The following STXBP5L variants were observed in gnomAD, a reference collection of about 807,000 sequenced individuals.
STXBP5L encodes the protein syntaxin binding protein 5L.
A neutral mutation model predicts 144.5 loss-of-function variants in STXBP5L; 65 were observed. That is an observed-to-expected ratio of 0.45 (90% CI 0.37 to 0.55). STXBP5L has a LOEUF of 0.55. Among genes scored for constraint, STXBP5L ranks in the 20% least tolerant of loss-of-function variants. STXBP5L has a pLI of 0.00. For missense variants in STXBP5L, 1,298 were observed against 1,405.5 expected (o/e 0.92, Z 1.22); for synonymous variants, 505 against 469.6 (o/e 1.08, Z -0.97).
intron 2 of STXBP5L, among the ~76,000 whole-genome samples, chr3:120,914,420 T>G (rs546508641): frequency 1.3e-5 from 2 of 152,138 alleles, no homozygotes; most frequent in African/African-American, 4.8e-5. Flanking sequence ...GGAAATGGAT[T>G]TATAACAATG....
At chr3:121,333,549 A>G (rs2044398993) in intron 20 of STXBP5L, among the ~76,000 whole-genome samples, 1 of 147,186 alleles carries the variant, frequency 6.8e-6, no homozygotes, top group Non-Finnish European at 1.5e-5. Flanking sequence ...AGATTGGGAC[A>G]CACACACAAA....
At chr3:121,402,533 C>A (rs995702289) in intron 22 of STXBP5L, among the ~76,000 whole-genome samples, 1 of 152,156 alleles carries the variant, frequency 6.6e-6, no homozygotes, top group Non-Finnish European at 1.5e-5. Flanking sequence ...ATTGTCAACT[C>A]TCTTGCCTCC....
intron 3 of STXBP5L, among the ~76,000 whole-genome samples, chr3:121,001,176 G>T (rs978069619): frequency 6.6e-6 from 1 of 152,228 alleles, no homozygotes; most frequent in Non-Finnish European, 1.5e-5. Flanking sequence ...TACTGGCATA[G>T]CCATTGGGGA....
intron 9 of STXBP5L, among the ~76,000 whole-genome samples, chr3:121,178,982 G>A (rs2047038060): frequency 6.6e-6 from 1 of 151,976 alleles, no homozygotes; most frequent in South Asian, 2.1e-4. Flanking sequence ...GGGAACTGTG[G>A]CAGATACGAG....
At chr3:121,031,009 G>T (rs555674622) in intron 3 of STXBP5L, among the ~76,000 whole-genome samples, 2 of 152,178 alleles carry the variant, frequency 1.3e-5, no homozygotes, top group South Asian at 4.2e-4. Flanking sequence ...TGGATGTATT[G>T]ACACTCTTAA....
chr3:120,983,553 T>C (rs1942005885), intron 3 of STXBP5L, among the ~76,000 whole-genome samples: 1 of 152,106 alleles, frequency 6.6e-6, no homozygotes, highest in South Asian at 2.1e-4. Flanking sequence ...TGCTCAGGGC[T>C]CAAAAGCCTG....
chr3:121,212,450 C>T (rs761500550), intron 10 of STXBP5L, among the ~76,000 whole-genome samples: 3 of 151,964 alleles, frequency 2.0e-5, no homozygotes, highest in Admixed American at 6.6e-5. Context: ...AGTTTTCCCA[C>T]CACCATTTAT....
chr3:120,999,568 A>G (rs777738131), intron 3 of STXBP5L, among the ~76,000 whole-genome samples: 2 of 151,132 alleles, frequency 1.3e-5, no homozygotes, highest in African/African-American at 4.9e-5. Context: ...TAGCCCATTT[A>G]TGTTCAAGAT....
At chr3:121,235,102 A>G (rs2049433627) in intron 12 of STXBP5L, among the ~76,000 whole-genome samples, 1 of 151,948 alleles carries the variant, frequency 6.6e-6, no homozygotes, top group Non-Finnish European at 1.5e-5. Flanking sequence ...ATTACCCTAT[A>G]TAAGTATGTG....
intron 7 of STXBP5L, among the ~76,000 whole-genome samples, chr3:121,149,793 T>C (rs1467007728): frequency 6.6e-6 from 1 of 152,062 alleles, no homozygotes; most frequent in Non-Finnish European, 1.5e-5. Context: ...AAACATATAC[T>C]CGAATAAATA....
chr3:121,105,051 C>T (rs2043627507), intron 5 of STXBP5L, among the ~76,000 whole-genome samples: 1 of 151,980 alleles, frequency 6.6e-6, no homozygotes, highest in South Asian at 2.1e-4. Flanking sequence ...AAAATAAAAA[C>T]AAATAATCCC....
chr3:121,016,150 C>A (rs1576669124), intron 3 of STXBP5L, among the ~76,000 whole-genome samples: 1 of 152,118 alleles, frequency 6.6e-6, no homozygotes, highest in African/African-American at 2.4e-5. Flanking sequence ...GGTCATTTAC[C>A]TCAGTTCCTA....
intron 3 of STXBP5L, among the ~76,000 whole-genome samples, chr3:121,007,063 G>A (rs1366167289): frequency 3.3e-5 from 5 of 152,130 alleles, no homozygotes; most frequent in Admixed American, 1.3e-4. Context: ...TCTTTGTGGC[G>A]TTCTCTGTAT....
At chr3:121,166,457 ATTAG>A (rs1409382542) in intron 9 of STXBP5L, among the ~76,000 whole-genome samples, 4 of 152,122 alleles carry the variant, frequency 2.6e-5, no homozygotes, top group South Asian at 2.1e-4. Context: ...AATTTCTATA[ATTAG>A]TTTTTGTTTC....
At chr3:120,916,721 A>G (rs2107568506) in intron 2 of STXBP5L, among the ~76,000 whole-genome samples, 1 of 152,326 alleles carries the variant, frequency 6.6e-6, no homozygotes, top group South Asian at 2.1e-4. Context: ...TTAGATGCAG[A>G]TTTAATACCT....
chr3:121,235,610 C>G (rs1388777056), intron 12 of STXBP5L, among the ~76,000 whole-genome samples: 1 of 152,060 alleles, frequency 6.6e-6, no homozygotes, highest in East Asian at 1.9e-4. Context: ...TCTTCTAACT[C>G]TGTAATCTTA....
Position 121,397,066 on chromosome 3 carries a change from C to T in STXBP5L, c.2588-10177C>T, listed in dbSNP as rs575299467. On this transcript the variant is annotated intron_variant, in intron 22 of 26. Coordinates refer to ENST00000471454, the MANE Select transcript of STXBP5L (RefSeq NM_001308330.2). ...AGTATAGGGTGTCTGGAAAACTTTA[C>T]TTTTCGATCCAGAATAAGAAGCTTT... Among the ~76,000 whole-genome samples the T allele has an allele frequency of 5.8e-4, 88 of 152,356 alleles. 2 individuals carry two copies. The South Asian group carries it at 0.015, about 26-fold the overall frequency.
At chr3:121,258,281 T>C (rs369858314) in intron 17 of STXBP5L, among the ~76,000 whole-genome samples, 1 of 152,250 alleles carries the variant, frequency 6.6e-6, no homozygotes, top group African/African-American at 2.4e-5. Flanking sequence ...GGAATTTCTT[T>C]GAGCTGCATA....
intron 3 of STXBP5L, among the ~76,000 whole-genome samples, chr3:120,964,280 C>G (rs1336233196): frequency 5.9e-5 from 9 of 152,084 alleles, no homozygotes; most frequent in Admixed American, 5.2e-4. Context: ...TCCTTCAGTT[C>G]TGCTCTGATC....
Sources: allele counts gnomAD v4.1 joint callset (sites outside exome capture counted in the v4.1 genomes callset), GRCh38; gene constraint gnomAD v4.1.1; transcripts MANE v1.5; gene names NCBI Gene and HGNC (gene_info 2026-07-23, HGNC 2026-07-21).